DCBLD1: variants seen among roughly 807,000 people sequenced by gnomAD.
The protein encoded by DCBLD1 is discoidin, CUB and LCCL domain containing 1.
In DCBLD1, 57 loss-of-function variants were observed where a neutral mutation model predicts 71.5. The ratio of observed to expected loss-of-function variants is 0.80; its 90% confidence interval spans 0.64 to 0.99. DCBLD1 has a LOEUF of 0.99. DCBLD1 is among the 50% of genes least tolerant of loss of function. The pLI, the probability that DCBLD1 is intolerant of heterozygous loss-of-function variation, is 0.00. For missense variants in DCBLD1, 891 were observed against 923.5 expected, an observed-to-expected ratio of 0.96 and a Z score of 0.46; for synonymous variants, 380 against 363.8, an observed-to-expected ratio of 1.04 and a Z score of -0.51.
At chr6:117,533,890 G>A (rs1257347820) in intron 6 of DCBLD1, among the ~76,000 whole-genome samples, 3 of 152,162 alleles carry the variant, frequency 2.0e-5, no homozygotes, top group East Asian at 1.9e-4. Context: ...TGAGTTCAGG[G>A]GTCGGGGTGA....
intron 1 of DCBLD1, among the ~76,000 whole-genome samples, chr6:117,486,436 T>C (rs1162789451): frequency 6.6e-6 from 1 of 152,222 alleles, no homozygotes; most frequent in Admixed American, 6.5e-5. Flanking sequence ...TTCATTACTG[T>C]TTATTACTAT....
In DCBLD1 at chr6:117,539,261, G is replaced by T; in HGVS notation, c.983G>T (p.Arg328Met). The change falls in exon 9 of 15, where the codon AGG becomes ATG. Residue 328 changes from arginine to methionine, a missense_variant. Transcript: ENST00000338728. Reference sequence around the variant, plus strand: ...AATATTATTTTCTTACAAGGAATTAGGACCACAGGATCTACACAGTCGAAC... The same window carrying T: ...AATATTATTTTCTTACAAGGAATTATGACCACAGGATCTACACAGTCGAAC... The part of the protein sequence containing the change: ...LGEKKKITGI[R>M]TTGSTQSNFN... The T allele has an allele frequency of 6.4e-7, 1 of 1,552,140 alleles. No homozygotes were observed. Among genetic ancestry groups the T allele is most frequent in the South Asian group, 1.2e-5 (1 of 81,496 alleles).
chr6:117,522,242 T>C (rs979580140), intron 4 of DCBLD1, among the ~76,000 whole-genome samples: 1 of 152,186 alleles, frequency 6.6e-6, no homozygotes, highest in Non-Finnish European at 1.5e-5. Flanking sequence ...GTCAGATAAT[T>C]CTTTATATTG....
intron 5 of DCBLD1, among the ~76,000 whole-genome samples, chr6:117,527,032 G>A (rs1778566358): frequency 6.6e-6 from 1 of 152,304 alleles, no homozygotes; most frequent in South Asian, 2.1e-4. Flanking sequence ...GTGTGTTATT[G>A]GATTGAGGGC....
chr6:117,556,978 C>T (rs1779502650), intron 14 of DCBLD1, among the ~76,000 whole-genome samples: 1 of 151,300 alleles, frequency 6.6e-6, no homozygotes, highest in African/African-American at 2.4e-5. Flanking sequence ...TGATGTTGAA[C>T]TTTTTTTTTC....
intron 2 of DCBLD1, among the ~76,000 whole-genome samples, chr6:117,508,329 C>G (rs1045272901): frequency 6.6e-6 from 1 of 152,054 alleles, no homozygotes; most frequent in Non-Finnish European, 1.5e-5. Context: ...TCAGTTCCCC[C>G]CTCCCTCATT....
chr6:117,517,191 C>T (rs1049534844), intron 2 of DCBLD1, among the ~76,000 whole-genome samples: 35 of 152,354 alleles, frequency 2.3e-4, no homozygotes, highest in Non-Finnish European at 3.7e-4. Flanking sequence ...TGGGTAAATA[C>T]AGCCATTCCA....
At chr6:117,490,127 C>T (rs1327344126) in intron 1 of DCBLD1, among the ~76,000 whole-genome samples, 1 of 143,820 alleles carries the variant, frequency 7.0e-6, no homozygotes, top group Non-Finnish European at 1.5e-5. Context: ...ACACACACCC[C>T]TATAGCAAAT....
intron 14 of DCBLD1, chr6:117,563,223 A>G: frequency 9.4e-6 from 15 of 1,599,538 alleles, no homozygotes; most frequent in Non-Finnish European, 1.3e-5. Flanking sequence ...GAATAGTCTG[A>G]TTAACAATCT....
chr6:117,525,315 G>A, intron 4 of DCBLD1, 47 bp from the exon 5 acceptor site: 1 of 1,352,336 alleles, frequency 7.4e-7, no homozygotes, highest in Non-Finnish European at 9.6e-7. Context: ...AATTTTTTTG[G>A]TTGTGTAATT....
intron 1 of DCBLD1, among the ~76,000 whole-genome samples, chr6:117,487,690 A>G (rs992037359): frequency 5.3e-5 from 8 of 152,224 alleles, no homozygotes; most frequent in African/African-American, 1.4e-4. Context: ...GTCTAATCCA[A>G]TGTTGAATGT....
downstream of DCBLD1, among the ~76,000 whole-genome samples, chr6:117,551,603 T>C (rs529008228): frequency 4.6e-5 from 7 of 152,186 alleles, no homozygotes; most frequent in African/African-American, 1.7e-4. Flanking sequence ...ATCGTCTGGA[T>C]CTCCTGACCT....
intron 2 of DCBLD1, among the ~76,000 whole-genome samples, chr6:117,514,538 G>A (rs1466567588): frequency 1.3e-5 from 2 of 150,944 alleles, no homozygotes; most frequent in Admixed American, 1.3e-4. Flanking sequence ...CCCAGGAGGA[G>A]CCGTGATCAC....
rs936059183 is a variant in DCBLD1, at chr6:117,548,628, C to T, written c.*189C>T. On this transcript the variant is annotated 3_prime_UTR_variant, in exon 15 of 15. Coordinates refer to ENST00000338728, the MANE Select transcript of DCBLD1 (RefSeq NM_001366458.2). The stretch of plus-strand genomic sequence containing the variant: ...GTTTACAAAATTGTGCAGCTGGTTT[C>T]GTGCTGACCCTTAGGGTGCGTCTGT... 2 of 1,432,160 alleles carry T rather than the reference C, an allele frequency of 1.4e-6. No homozygotes were observed. Among genetic ancestry groups the T allele is most frequent in the South Asian group, 1.5e-5 (1 of 66,962 alleles). 88.7% of individuals were successfully genotyped at this position (1,432,160 alleles called of 1,614,324 possible). A position where few individuals can be genotyped will look rare whatever the true frequency, so the allele number is the denominator to read the frequency against.
chr6:117,539,170 A>C, intron 8 of DCBLD1, 85 bp from the exon 9 acceptor site: 1 of 1,250,142 alleles, frequency 8.0e-7, no homozygotes. Context: ...CAAATGAGGG[A>C]GAAAAAAATG....
At chr6:117,536,386 G>A (rs1488801248) in intron 6 of DCBLD1, among the ~76,000 whole-genome samples, 3 of 152,102 alleles carry the variant, frequency 2.0e-5, no homozygotes, top group Non-Finnish European at 4.4e-5. Context: ...ACTTTGTGAG[G>A]GATTATTTTA....
At chr6:117,539,469 A>G (rs1356397075) in intron 9 of DCBLD1, 90 bp downstream of exon 9, 6 of 1,415,204 alleles carry the variant, frequency 4.2e-6, no homozygotes, top group Non-Finnish European at 4.7e-6. Flanking sequence ...ATATCTCATT[A>G]ATAAAAGACA....
At chr6:117,505,655 A>G (rs539038080) in intron 2 of DCBLD1, among the ~76,000 whole-genome samples, 4 of 152,312 alleles carry the variant, frequency 2.6e-5, no homozygotes, top group South Asian at 2.1e-4. Context: ...TCTTTGAGGT[A>G]TATTCATAAA....
chr6:117,524,095 T>C (rs948034013), intron 4 of DCBLD1, among the ~76,000 whole-genome samples: 2 of 152,210 alleles, frequency 1.3e-5, no homozygotes, highest in African/African-American at 4.8e-5. Flanking sequence ...TGCTGGAGCC[T>C]GTGTCACTCT....
Sources: allele counts gnomAD v4.1 joint callset (sites outside exome capture counted in the v4.1 genomes callset), GRCh38; gene constraint gnomAD v4.1.1; transcripts MANE v1.5; gene names NCBI Gene and HGNC (gene_info 2026-07-23, HGNC 2026-07-21).